The following CADM2 variants were observed in gnomAD, a reference collection of about 807,000 sequenced individuals.
CADM2 encodes the protein immunoglobulin superfamily member 4D.
CADM2 carries 12 observed loss-of-function variants against 49.8 expected under a neutral mutation model. The ratio of observed to expected loss-of-function variants is 0.24; its 90% CI spans 0.15 to 0.39. CADM2 has a LOEUF of 0.39. CADM2 is among the 10% of genes least tolerant of loss of function. CADM2 has a pLI of 1.00. For synonymous variants in CADM2, 214 were observed against 175.4 expected (o/e 1.22, Z -1.74); for missense variants, 378 against 492.3 (o/e 0.77, Z 2.20).
intron 1 of CADM2, among the ~76,000 whole-genome samples, chr3:85,354,190 C>A (rs183121511): frequency 6.6e-6 from 1 of 151,722 alleles, no homozygotes; most frequent in East Asian, 1.9e-4. Flanking sequence ...ATTATCGTGT[C>A]TAAATCAACC....
intron 1 of CADM2, among the ~76,000 whole-genome samples, chr3:85,665,438 A>G (rs1446364904): frequency 6.6e-6 from 1 of 151,958 alleles, no homozygotes; most frequent in Non-Finnish European, 1.5e-5. Context: ...GTTTTATTAT[A>G]CACAGGAACT....
At chr3:85,021,798 A>G (rs542669312) in intron 1 of CADM2, among the ~76,000 whole-genome samples, 1 of 152,272 alleles carries the variant, frequency 6.6e-6, no homozygotes, top group African/African-American at 2.4e-5. Flanking sequence ...ATAAAAACAA[A>G]AAATAAAAAT....
At chr3:85,838,276 C>T (rs982090455) in intron 3 of CADM2, among the ~76,000 whole-genome samples, 3 of 151,694 alleles carry the variant, frequency 2.0e-5, no homozygotes, top group Non-Finnish European at 2.9e-5. Context: ...TAGGTCAAGA[C>T]CACCTACATA....
At chr3:85,118,065 C>G (rs1306002609) in intron 1 of CADM2, among the ~76,000 whole-genome samples, 3 of 151,922 alleles carry the variant, frequency 2.0e-5, no homozygotes, top group Non-Finnish European at 2.9e-5. Context: ...CTGTACTATC[C>G]TACCCCTTTA....
At chr3:85,128,132 C>T (rs1338681417) in intron 1 of CADM2, among the ~76,000 whole-genome samples, 4 of 152,086 alleles carry the variant, frequency 2.6e-5, no homozygotes, top group Non-Finnish European at 5.9e-5. Context: ...AATAATGCAA[C>T]TGACTTTTAG....
intron 1 of CADM2, among the ~76,000 whole-genome samples, chr3:85,666,279 G>A (rs558355869): frequency 9.9e-5 from 15 of 152,044 alleles, no homozygotes; most frequent in Admixed American, 2.0e-4. Flanking sequence ...TCAGTGTTAC[G>A]TATCTCAATG....
intron 1 of CADM2, chr3:85,385,861 T>C (rs1246189344): frequency 1.3e-5 from 2 of 151,228 alleles, no homozygotes; most frequent in Non-Finnish European, 3.0e-5. Context: ...ATTCTCGCTT[T>C]GACATAAAAT....
chr3:85,712,281 A>C (rs1438759264), intron 1 of CADM2, among the ~76,000 whole-genome samples: 1 of 152,176 alleles, frequency 6.6e-6, no homozygotes, highest in African/African-American at 2.4e-5. Context: ...AGTTCATGAC[A>C]TTCTAAGATA....
At chr3:85,934,189 G>GTTTTTTT (rs1407082835) in intron 6 of CADM2, among the ~76,000 whole-genome samples, 1 of 152,024 alleles carries the variant, frequency 6.6e-6, no homozygotes, top group Non-Finnish European at 1.5e-5. Context: ...GAAAATAAAT[G>GTTTTTTT]TTGCTATATG....
At chr3:85,399,906 A>G (rs1576484190) in intron 1 of CADM2, among the ~76,000 whole-genome samples, 1 of 152,182 alleles carries the variant, frequency 6.6e-6, no homozygotes, top group Non-Finnish European at 1.5e-5. Flanking sequence ...CAATCATGTC[A>G]TCTGCAAACA....
At chr3:85,360,638 C>G (rs2032288073) in intron 1 of CADM2, among the ~76,000 whole-genome samples, 2 of 152,172 alleles carry the variant, frequency 1.3e-5, no homozygotes, top group South Asian at 4.1e-4. Context: ...CACTTCCTCT[C>G]ACAAATTCAA....
intron 1 of CADM2, among the ~76,000 whole-genome samples, chr3:85,438,219 A>C (rs923625253): frequency 1.3e-5 from 2 of 152,094 alleles, no homozygotes; most frequent in African/African-American, 4.8e-5. Context: ...CATGATCTTA[A>C]CAAAAAAATT....
intron 1 of CADM2, among the ~76,000 whole-genome samples, chr3:85,497,832 T>TTATC (rs1290030471): frequency 1.3e-5 from 2 of 152,082 alleles, no homozygotes; most frequent in Admixed American, 6.6e-5. Flanking sequence ...GTCTATCTAT[T>TTATC]TATCTATCTA....
At chr3:85,852,148 T>C (rs150350043) in intron 3 of CADM2, among the ~76,000 whole-genome samples, 140 of 152,196 alleles carry the variant, frequency 9.2e-4, no homozygotes, top group African/African-American at 3.2e-3. Flanking sequence ...GTACAGAGAG[T>C]ACTAAGTATT....
intron 1 of CADM2, among the ~76,000 whole-genome samples, chr3:85,512,752 T>C (rs987265146): frequency 6.6e-6 from 1 of 151,586 alleles, no homozygotes; most frequent in Admixed American, 6.6e-5. Context: ...ATGAACAGTT[T>C]GTAAAGATCA....
chr3:85,813,161 C>G (rs1347220895), intron 3 of CADM2, among the ~76,000 whole-genome samples: 1 of 152,182 alleles, frequency 6.6e-6, no homozygotes, highest in Non-Finnish European at 1.5e-5. Context: ...TTTACCCTCC[C>G]ACCAACAGTG....
chr3:85,125,429 C>T (rs1444110256), intron 1 of CADM2, among the ~76,000 whole-genome samples: 1 of 151,934 alleles, frequency 6.6e-6, no homozygotes, highest in Non-Finnish European at 1.5e-5. Flanking sequence ...GACACGATCA[C>T]TGTCACTGCA....
rs1559897617 is a variant in CADM2 at position 85,541,754 on chromosome 3, T to TA, written c.62-184768_62-184767insA. The stretch of plus-strand genomic sequence containing the variant: ...TATTTTATATATATATTTTATATAT[T>TA]TTATATATATATTTTATATTTTATA... On this transcript the variant is annotated intron_variant, in intron 1 of 9. Coordinates refer to ENST00000383699, the MANE Select transcript of CADM2 (RefSeq NM_001167675.2). Among the ~76,000 whole-genome samples the TA allele has an allele frequency of 8.7e-4, 20 of 22,926 alleles. 2 individuals are homozygous for TA. Among genetic ancestry groups the TA allele is most frequent in the African/African-American group, 1.4e-3 (17 of 12,058 alleles). 15.0% of individuals were successfully genotyped at this position (22,926 alleles called of 152,430 possible).
At chr3:85,919,522 G>C (rs751219361) in intron 6 of CADM2, among the ~76,000 whole-genome samples, 1 of 151,844 alleles carries the variant, frequency 6.6e-6, no homozygotes, top group Non-Finnish European at 1.5e-5. Context: ...AAAAACGTTT[G>C]GGTCCAATTG....
Sources: allele counts gnomAD v4.1 joint callset (sites outside exome capture counted in the v4.1 genomes callset), GRCh38; gene constraint gnomAD v4.1.1; transcripts MANE v1.5; gene names NCBI Gene and HGNC (gene_info 2026-07-23, HGNC 2026-07-21).